Variants in NAA35 observed in about 807,000 individuals in gnomAD.
NAA35 encodes MAK10 homolog, amino-acid N-acetyltransferase subunit.
In NAA35, 18 loss-of-function variants were observed where a neutral mutation model predicts 101.7. The ratio of observed to expected loss-of-function variants is 0.18; its 90% CI spans 0.12 to 0.26. The LOEUF (loss-of-function observed/expected upper bound fraction) is 0.26, where lower values mean the gene tolerates loss of function less well. NAA35 is among the 10% of genes least tolerant of loss of function. The probability of loss-of-function intolerance (pLI) is 1.00; values close to 1 mark genes in which losing one functional copy is unlikely to be tolerated. For synonymous variants in NAA35, 267 were observed against 273.1 expected, an observed-to-expected ratio of 0.98 and a Z score of 0.22; for missense variants, 601 against 886.8, an observed-to-expected ratio of 0.68 and a Z score of 4.09.
intron 13 of NAA35, among the ~76,000 whole-genome samples, chr9:86,006,783 T>C (rs1309345655): frequency 6.6e-6 from 1 of 152,152 alleles, no homozygotes; most frequent in Non-Finnish European, 1.5e-5. Flanking sequence ...ACAACAAACA[T>C]GTAAATTTTA....
chr9:86,018,016 G>GT (rs554205411), intron 19 of NAA35, among the ~76,000 whole-genome samples: 28 of 152,360 alleles, frequency 1.8e-4, no homozygotes, highest in African/African-American at 6.0e-4. Context: ...TAACTCTTAA[G>GT]TTGTACTTGG....
chr9:85,960,290 A>G (rs1466038226), intron 5 of NAA35, among the ~76,000 whole-genome samples: 2 of 152,056 alleles, frequency 1.3e-5, no homozygotes, highest in Non-Finnish European at 2.9e-5. Flanking sequence ...AAATTTTTTT[A>G]GTGATTTGTA....
rs187683079 is a variant in NAA35 at position 85,994,760 on chromosome 9, A to G, written c.878-1639A>G. 3.8e-3 allele frequency among the ~76,000 whole-genome samples: 585 copies of G among 152,284 alleles called. 5 individuals are homozygous for G. Among genetic ancestry groups the G allele is most frequent in the African/African-American group, 0.013 (544 of 41,562 alleles). On this transcript the variant is annotated intron_variant, in intron 11 of 22. Transcript: ENST00000361671. ...CCGGGGGGAAGGGGAAGGTAAAGAG[A>G]AGTTGGTTAATGGGTGCAAAAATAG...
At chr9:85,968,547 G>GT (rs1393382629) in intron 6 of NAA35, among the ~76,000 whole-genome samples, 1 of 152,058 alleles carries the variant, frequency 6.6e-6, no homozygotes, top group Admixed American at 6.6e-5. Flanking sequence ...GGGTGTGTGT[G>GT]TATGTACATT....
rs907716467 is a variant in NAA35, at chr9:86,025,201, T to C, written c.*3241T>C. ...GGAAAAAGCCTGCAAAGGAGACTTA[T>C]CAGGAAAATAAGCAGAATGAGGGCC... On this transcript the variant is annotated 3_prime_UTR_variant, in exon 23 of 23. Coordinates refer to ENST00000361671, the MANE Select transcript of NAA35 (RefSeq NM_024635.4). Among the ~76,000 whole-genome samples the C allele has an allele frequency of 4.6e-5, 7 of 152,074 alleles. No individual in the cohort carries two copies. The highest frequency in any genetic ancestry group is 5.9e-5 in the Non-Finnish European group (4 of 68,026).
intron 12 of NAA35, among the ~76,000 whole-genome samples, chr9:86,002,779 G>A (rs1471212110): frequency 6.6e-6 from 1 of 151,862 alleles, no homozygotes; most frequent in African/African-American, 2.4e-5. Flanking sequence ...ATTTTTCTTG[G>A]ATTGGGTTTT....
intron 6 of NAA35, among the ~76,000 whole-genome samples, chr9:85,970,649 A>G (rs1432051345): frequency 6.6e-6 from 1 of 152,196 alleles, no homozygotes; most frequent in African/African-American, 2.4e-5. Flanking sequence ...TTACTGAGGG[A>G]TATACTACAA....
chr9:85,976,655 G>A lies in NAA35; in HGVS notation c.628-30G>A, dbSNP rs370432917. 1.5e-5 allele frequency: 23 copies of A among 1,510,686 alleles called. 1 individual carries two copies. Among genetic ancestry groups the A allele is most frequent in the Non-Finnish European group, 2.1e-5 (23 of 1,113,390 alleles). 93.6% of individuals were successfully genotyped at this position (1,510,686 alleles called of 1,614,324 possible). On this transcript the variant is annotated intron_variant, in intron 8 of 22. Coordinates refer to ENST00000361671, the MANE Select transcript of NAA35 (RefSeq NM_024635.4). ...TGTAATGTAATATTTTTTCAGGTTT[G>A]TGTTTAATTCACCTTTTTTAAAATT...
At position 85,941,217 on chromosome 9, in the gene NAA35, C is replaced by G; in HGVS notation, c.-62C>G. 1.0e-6 allele frequency: 1 copy of G among 986,774 alleles called. No homozygotes were observed. The highest frequency in any genetic ancestry group is 1.2e-6 in the Non-Finnish European group (1 of 830,902). 61.1% of individuals were successfully genotyped at this position (986,774 alleles called of 1,614,324 possible). A position where few individuals can be genotyped will look rare whatever the true frequency, so the allele number is the denominator to read the frequency against. ...GGGGCGGCGGCGGCCGAGGCGGCGT[C>G]GTTATTTCCGTGGTCCGGACAGTGC... On this transcript the variant is annotated 5_prime_UTR_variant, in exon 1 of 23. Coordinates refer to ENST00000361671, the MANE Select transcript of NAA35 (RefSeq NM_024635.4).
At chr9:85,962,516 A>G (rs1829564734) in intron 6 of NAA35, among the ~76,000 whole-genome samples, 1 of 151,426 alleles carries the variant, frequency 6.6e-6, no homozygotes, top group Admixed American at 6.6e-5. Flanking sequence ...AAAAGAAAGA[A>G]AAAAGAATTT....
intron 8 of NAA35, among the ~76,000 whole-genome samples, chr9:85,975,472 A>G (rs903516734): frequency 2.0e-5 from 3 of 152,162 alleles, no homozygotes; most frequent in Admixed American, 6.6e-5. Flanking sequence ...CTTATATACA[A>G]TGGTGTGATA....
intron 2 of NAA35, among the ~76,000 whole-genome samples, chr9:85,946,077 T>C (rs1828748817): frequency 2.0e-5 from 3 of 152,116 alleles, no homozygotes; most frequent in Admixed American, 6.6e-5. Flanking sequence ...ATAGGAAATA[T>C]GTGATTATTT....
intron 2 of NAA35, among the ~76,000 whole-genome samples, chr9:85,943,199 A>G (rs1828599752): frequency 6.6e-6 from 1 of 152,092 alleles, no homozygotes; most frequent in African/African-American, 2.4e-5. Flanking sequence ...GAGAGACTGA[A>G]GATAAGAGAA....
intron 11 of NAA35, among the ~76,000 whole-genome samples, chr9:85,992,107 G>A (rs186868467): frequency 9.5e-4 from 144 of 151,378 alleles, no homozygotes; most frequent in Non-Finnish European, 1.9e-3. Flanking sequence ...CCAGGACGCA[G>A]AGCTTGCAGT....
rs752744872 is a variant in NAA35 at position 86,018,811 on chromosome 9, C to T, written c.2027C>T (p.Pro676Leu). 3 of 1,613,708 alleles carry T rather than the reference C, an allele frequency of 1.9e-6. No individual in the cohort carries two copies. Among genetic ancestry groups the T allele is most frequent in the Non-Finnish European group, 2.5e-6 (3 of 1,179,918 alleles). Residue 676 changes from proline (P) to leucine (L), a missense_variant, in exon 21 of 23, where the codon CCG becomes CTG. Pro to Leu is a moderately conservative substitution (Grantham distance 98). This residue lies in a region of NAA35 where 90 missense variants were observed against 108.7 expected (regional missense o/e 0.83). Coordinates refer to ENST00000361671, the MANE Select transcript of NAA35 (RefSeq NM_024635.4). ...ATGATATTGGAAAATATTCCTAACC[C>T]GGACCATGAGGTGAGACTGGATTCA... ...AKMILENIPN[P>L]DHEVNRILKV... is the part of the protein sequence containing the mutation.
Position 86,022,086 on chromosome 9 carries a change from G to T in NAA35, c.*126G>T. 1 of 688,702 alleles carries T rather than the reference G, an allele frequency of 1.5e-6. No individual in the cohort carries two copies. The allele number at this position is 688,702 out of a possible 1,614,324, so 42.7% of individuals were successfully genotyped here. ...TTTCTTGGGTAACAACTCATTATAA[G>T]GAATACTTTTAGTTTGACAGCCTTA... On this transcript the variant is annotated 3_prime_UTR_variant, in exon 23 of 23. Coordinates refer to ENST00000361671, the MANE Select transcript of NAA35 (RefSeq NM_024635.4).
At chr9:85,975,257 T>A (rs1313883208) in intron 8 of NAA35, 100 bp downstream of exon 8, 2 of 1,201,922 alleles carry the variant, frequency 1.7e-6, no homozygotes, top group African/African-American at 3.1e-5. Flanking sequence ...TTCTCCTGTA[T>A]GTGCTTTGTA....
chr9:86,001,029 A>G (rs933934737), intron 12 of NAA35, among the ~76,000 whole-genome samples: 1 of 152,108 alleles, frequency 6.6e-6, no homozygotes, highest in Non-Finnish European at 1.5e-5. Flanking sequence ...ATTACATGCT[A>G]TGAATTTCGT....
intron 1 of NAA35, chr9:85,941,502 C>T (rs1828512115): frequency 2.0e-6 from 2 of 985,438 alleles, no homozygotes; most frequent in African/African-American, 1.7e-5. Context: ...CGTGCCCGCC[C>T]TCCCGCGCGG....
Sources: allele counts gnomAD v4.1 joint callset (sites outside exome capture counted in the v4.1 genomes callset), GRCh38; gene constraint gnomAD v4.1.1; regional missense constraint gnomAD v4.1.1; transcripts MANE v1.5; gene names NCBI Gene and HGNC (gene_info 2026-07-23, HGNC 2026-07-21).